DNAH3: variants seen among roughly 807,000 people sequenced by gnomAD.
The protein encoded by DNAH3 is dynein axonemal heavy chain 3.
A neutral mutation model predicts 432.5 loss-of-function variants in DNAH3; 332 were observed. That is an observed-to-expected ratio of 0.77 (90% CI 0.70 to 0.84). The LOEUF (loss-of-function observed/expected upper bound fraction) is 0.84, where lower values mean the gene tolerates loss of function less well. Ranked by LOEUF, DNAH3 falls within the 40% of genes least tolerant of loss-of-function variation. DNAH3 has a pLI of 0.00. For synonymous variants in DNAH3, 1,956 were observed against 1,900.2 expected (o/e 1.03, Z -0.76); for missense variants, 4,861 against 5,114.0 (o/e 0.95, Z 1.51).
chr16:21,104,624 C>G (rs774034969), intron 15 of DNAH3, 30 bp from the exon 16 acceptor site: 1 of 1,327,644 alleles, frequency 7.5e-7, no homozygotes, highest in East Asian at 2.3e-5. Flanking sequence ...TGCTCCAGGA[C>G]ACTGTTTAGC....
rs763852065 is a variant in DNAH3, at chr16:20,997,479, CA to C, written c.6422-18del. 2 of 1,611,928 alleles carry C rather than the reference CA, an allele frequency of 1.2e-6. No homozygotes were observed. Among genetic ancestry groups the C allele is most frequent in the Non-Finnish European group, 8.5e-7 (1 of 1,178,650 alleles). On this transcript the variant is annotated intron_variant, in intron 43 of 61. Coordinates refer to ENST00000261383, the Ensembl canonical transcript of DNAH3. ...TGAGGTCATCTGGGGAAAGAAACCA[CA>C]GATACAGCCATTGCAAGTTCATGGC... is the stretch of plus-strand genomic sequence containing the variant.
At chr16:21,004,750 C>T (rs1308666639) in intron 41 of DNAH3, among the ~76,000 whole-genome samples, 3 of 152,006 alleles carry the variant, frequency 2.0e-5, no homozygotes, top group Admixed American at 1.3e-4. Flanking sequence ...CACTCCCCTT[C>T]CCTTCCCCTC....
intron 1 of DNAH3, among the ~76,000 whole-genome samples, chr16:21,149,349 C>G (rs1482996601): frequency 6.6e-6 from 1 of 152,160 alleles, no homozygotes; most frequent in Non-Finnish European, 1.5e-5. Context: ...TACAAATCCA[C>G]TTTAGTTTTA....
intron 7 of DNAH3, among the ~76,000 whole-genome samples, chr16:21,130,917 G>A (rs949310254): frequency 3.3e-5 from 5 of 152,052 alleles, no homozygotes; most frequent in South Asian, 2.1e-4. Flanking sequence ...TCATAAACAC[G>A]CTTGTACTTA....
intron 19 of DNAH3, among the ~76,000 whole-genome samples, chr16:21,084,314 CTTTATTTA>C (rs71666850): frequency 3.3e-5 from 5 of 151,214 alleles, no homozygotes; most frequent in Non-Finnish European, 5.9e-5. Flanking sequence ...AATTTTTTTA[CTTTATTTA>C]TTTATTTATT....
chr16:21,081,486 T>C (rs1228574807), intron 20 of DNAH3, 150 bp downstream of exon 20: 3 of 557,186 alleles, frequency 5.4e-6, no homozygotes, highest in Non-Finnish European at 9.6e-6. Context: ...CAATACGAGT[T>C]GGTAGCTGCA....
Position 21,111,928 on chromosome 16 carries a change from A to C in DNAH3, c.1920+65T>G, listed in dbSNP as rs538326275. 152 of 1,544,182 alleles carry C rather than the reference A, an allele frequency of 9.8e-5. No individual in the cohort carries two copies. The African/African-American group carries it at 2.0e-3, about 20-fold the overall frequency. ...TGGTCTATGCACCAAAGAGACACTA[A>C]CTGCTCATTGGATTGTCTGCAGCAC... On this transcript the variant is annotated intron_variant, in intron 13 of 61. Coordinates refer to ENST00000261383, the Ensembl canonical transcript of DNAH3.
intron 5 of DNAH3, among the ~76,000 whole-genome samples, chr16:21,138,824 C>A (rs60291895): frequency 0.5 from 74,060 of 147,988 alleles, 19,192 homozygotes; most frequent in East Asian, 0.69. Context: ...AAAAAAAAAA[C>A]AACACAGAGA....
intron 51 of DNAH3, among the ~76,000 whole-genome samples, chr16:20,971,495 C>A (rs902113826): frequency 6.6e-6 from 1 of 152,176 alleles, no homozygotes; most frequent in African/African-American, 2.4e-5. Context: ...GCTGCACAAT[C>A]AGACACCGGT....
intron 7 of DNAH3, among the ~76,000 whole-genome samples, chr16:21,132,310 G>A (rs922598680): frequency 2.0e-5 from 3 of 152,140 alleles, no homozygotes; most frequent in South Asian, 2.1e-4. Context: ...TAATAAGTTC[G>A]GCCAATCAAA....
chr16:20,938,322 T>G (rs577782683), intron 59 of DNAH3, among the ~76,000 whole-genome samples: 1 of 151,376 alleles, frequency 6.6e-6, no homozygotes, highest in African/African-American at 2.4e-5. Flanking sequence ...AAGGTGGAGG[T>G]TGCAGTGAGC....
intron 34 of DNAH3, 103 bp from the exon 35 acceptor site, chr16:21,036,951 A>T (rs565114970): frequency 1.1e-5 from 10 of 919,578 alleles, no homozygotes; most frequent in Middle Eastern, 3.5e-4. Flanking sequence ...GATCTTTGAA[A>T]AATTCCAGAC....
chr16:21,069,243 CAT>C (rs2090690418), intron 23 of DNAH3, among the ~76,000 whole-genome samples, 170 bp downstream of exon 23: 1 of 152,078 alleles, frequency 6.6e-6, no homozygotes, highest in Non-Finnish European at 1.5e-5. Context: ...TCGCACTGGT[CAT>C]ATGTTTGCAT....
rs148234698 is a variant in DNAH3, at chr16:21,102,569, G to A, written c.2366+1902C>T. Among the ~76,000 whole-genome samples, 790 of 152,154 alleles carry A rather than the reference G, an allele frequency of 5.2e-3. 9 individuals carry two copies. Among genetic ancestry groups the A allele is most frequent in the South Asian group, 6.8e-3 (33 of 4,820 alleles). On this transcript the variant is annotated intron_variant, in intron 16 of 61. Coordinates refer to ENST00000261383, the Ensembl canonical transcript of DNAH3. ...ATGAGAGAGGGTCTGATTCTATCCC[G>A]TTCTCCAGATGAGGGGCACAGAGTC...
At chr16:21,094,283 G>A (rs932447360) in intron 18 of DNAH3, among the ~76,000 whole-genome samples, 1 of 152,180 alleles carries the variant, frequency 6.6e-6, no homozygotes, top group Admixed American at 6.5e-5. Flanking sequence ...TGACAGGTAT[G>A]CACATAAAGA....
chr16:21,073,750 T>C (rs549126273), intron 21 of DNAH3, among the ~76,000 whole-genome samples: 5 of 152,204 alleles, frequency 3.3e-5, no homozygotes, highest in Admixed American at 1.3e-4. Flanking sequence ...CAGCCGGCCA[T>C]AAGGAAATTC....
At chr16:21,002,121 G>A (rs530311156) in intron 42 of DNAH3, among the ~76,000 whole-genome samples, 84 of 152,152 alleles carry the variant, frequency 5.5e-4, no homozygotes, top group Non-Finnish European at 1.0e-3. Context: ...GTGGTCCTGC[G>A]TGGTGTCTGA....
chr16:20,989,801 AAGGCTC>A (rs2086451271), intron 44 of DNAH3, among the ~76,000 whole-genome samples: 1 of 152,236 alleles, frequency 6.6e-6, no homozygotes, highest in South Asian at 2.1e-4. Context: ...CAAGGCAGCT[AAGGCTC>A]AGTGAGAAAT....
chr16:21,065,588 C>T (rs1244747264), intron 24 of DNAH3, among the ~76,000 whole-genome samples: 1 of 152,180 alleles, frequency 6.6e-6, no homozygotes, highest in Admixed American at 6.5e-5. Context: ...TTCCACTATA[C>T]TGTGCTGTCC....
Sources: allele counts gnomAD v4.1 joint callset (sites outside exome capture counted in the v4.1 genomes callset), GRCh38; gene constraint gnomAD v4.1.1; transcripts MANE v1.5; gene names NCBI Gene and HGNC (gene_info 2026-07-23, HGNC 2026-07-21).